SLC22A16: variants seen among roughly 807,000 people sequenced by gnomAD.
The protein encoded by SLC22A16 is solute carrier family 22 member 16.
Under a neutral mutation model 52.9 loss-of-function variants are expected in SLC22A16, and 53 were observed. The observed-to-expected ratio is 1.00, with a 90% CI of 0.80 to 1.26. SLC22A16 has a LOEUF of 1.26. SLC22A16 is among the 50% of genes most tolerant of loss of function. The probability of loss-of-function intolerance (pLI) is 0.00; values close to 1 mark genes in which losing one functional copy is unlikely to be tolerated. For missense variants in SLC22A16, 726 were observed against 704.0 expected (o/e 1.03, Z -0.35); for synonymous variants, 291 against 268.8 (o/e 1.08, Z -0.81).
chr6:110,437,553 A>G lies in SLC22A16; in HGVS notation c.1311+1167T>C, dbSNP rs561064883. 6.8e-4 allele frequency among the ~76,000 whole-genome samples: 103 copies of G among 152,240 alleles called. 1 individual carries two copies. The highest frequency in any genetic ancestry group is 6.3e-4 in the Non-Finnish European group (43 of 68,040). On this transcript the variant is annotated intron_variant, in intron 5 of 7. Transcript: ENST00000368919. Reference sequence around the variant, plus strand: ...GATCCTAAGCATTAAGTAAAGTGCTACTATAAAAGGAAGACACTTGTTAGC... The same window carrying G: ...GATCCTAAGCATTAAGTAAAGTGCTGCTATAAAAGGAAGACACTTGTTAGC...
rs747807441 is a variant in SLC22A16 at position 110,464,340 on chromosome 6, C to T, written c.54-7323G>A. On this transcript the variant is annotated intron_variant, in intron 1 of 7. Transcript: ENST00000368919. The stretch of plus-strand genomic sequence containing the variant: ...TTAAATTGAAACCAAAAAAATCATA[C>T]AAAGGATCAACAAAACACAAAGTTG... 2.5e-4 allele frequency among the ~76,000 whole-genome samples: 38 copies of T among 151,810 alleles called. 2 individuals carry two copies. Among genetic ancestry groups the T allele is most frequent in the Non-Finnish European group, 1.5e-5 (1 of 67,830 alleles).
chr6:110,442,839 C>T (rs1407671068), intron 3 of SLC22A16, 64 bp from the exon 4 acceptor site: 22 of 1,465,700 alleles, frequency 1.5e-5, no homozygotes, highest in Non-Finnish European at 1.9e-5. Context: ...GGAGTCTGAC[C>T]CCATTGCAAA....
chr6:110,445,015 A>G (rs896500121), intron 3 of SLC22A16, among the ~76,000 whole-genome samples: 1 of 152,020 alleles, frequency 6.6e-6, no homozygotes, highest in Non-Finnish European at 1.5e-5. Context: ...ACTCCAAAAC[A>G]CTCTGTGAAT....
chr6:110,453,529 T>C lies in SLC22A16; in HGVS notation c.533+3009A>G, dbSNP rs148813394. On this transcript the variant is annotated intron_variant, in intron 2 of 7. Coordinates refer to ENST00000368919, the MANE Select transcript of SLC22A16 (RefSeq NM_033125.4). ...GAGACAAAGAACTTCATTACTTACT[T>C]CGTTAGCAAGCAGTAGGGCAGCAGC... is the stretch of plus-strand genomic sequence containing the variant. 212 of 435,744 alleles carry C rather than the reference T, an allele frequency of 4.9e-4. 4 individuals carry two copies. In the East Asian group the frequency reaches 6.3e-3, roughly 13 times the overall value. The allele number at this position is 435,744 out of a possible 1,614,324, so 27.0% of individuals were successfully genotyped here. A position where few individuals can be genotyped will look rare whatever the true frequency, so the allele number is the denominator to read the frequency against.
Position 110,456,679 on chromosome 6 carries a change from T to C in SLC22A16, c.392A>G (p.Tyr131Cys). 5 of 1,614,192 alleles carry C rather than the reference T, an allele frequency of 3.1e-6. No homozygotes were observed. Among genetic ancestry groups the C allele is most frequent in the Non-Finnish European group, 4.2e-6 (5 of 1,180,034 alleles). Residue 131 changes from tyrosine to cysteine, a missense_variant, in exon 2 of 8, where the codon TAT becomes TGT. Tyr to Cys is a radical substitution (Grantham distance 194). Coordinates refer to ENST00000368919, the MANE Select transcript of SLC22A16 (RefSeq NM_033125.4). ...KEFPCVDGYI[Y>C]DQNTWKSTAV... is the part of the protein sequence containing the mutation. ...AGTGCTTTTCCATGTGTTCTGGTCA[T>C]ATATGTAGCCATCCACACAAGGAAA...
intron 7 of SLC22A16, among the ~76,000 whole-genome samples, chr6:110,427,740 T>C (rs1774325572): frequency 1.3e-5 from 2 of 152,206 alleles, no homozygotes. Flanking sequence ...CCCCCCAAAG[T>C]GTGGGATTAC....
chr6:110,425,730 T>C (rs561211748), intron 7 of SLC22A16, among the ~76,000 whole-genome samples: 84 of 152,386 alleles, frequency 5.5e-4, no homozygotes, highest in Middle Eastern at 3.4e-3. Context: ...GGCAGCCTTT[T>C]AGACTAGCGC....
intron 7 of SLC22A16, among the ~76,000 whole-genome samples, chr6:110,427,247 C>CAA (rs71018390): frequency 1.8e-4 from 11 of 60,552 alleles, no homozygotes; most frequent in East Asian, 7.1e-4. Context: ...GACCCAATCT[C>CAA]AAAAAAAAAA....
At chr6:110,431,388 G>A (rs778728621) in intron 6 of SLC22A16, 118 bp from the exon 7 acceptor site, 4 of 801,840 alleles carry the variant, frequency 5.0e-6, no homozygotes, top group Non-Finnish European at 8.1e-6. Flanking sequence ...TGGTCAGGCA[G>A]CGCATTACAA....
rs139534621 is a variant in SLC22A16, at chr6:110,438,163, C to T, written c.1311+557G>A. Among the ~76,000 whole-genome samples the T allele has an allele frequency of 5.3e-3, 811 of 152,110 alleles. 2 individuals carry two copies. The highest frequency in any genetic ancestry group is 0.02 in the Middle Eastern group (6 of 294). On this transcript the variant is annotated intron_variant, in intron 5 of 7. Transcript: ENST00000368919. ...TGCACTGTGTGTTCTCAGCACCTGGCACATAAAAGATGGTGGATAAATGTT... is the reference window on the plus strand; with the variant it reads ...TGCACTGTGTGTTCTCAGCACCTGGTACATAAAAGATGGTGGATAAATGTT...
intron 3 of SLC22A16, among the ~76,000 whole-genome samples, chr6:110,445,241 T>A (rs1246898991): frequency 6.6e-6 from 1 of 152,066 alleles, no homozygotes; most frequent in Admixed American, 6.6e-5. Flanking sequence ...CTCCAGACAT[T>A]CCGGCTTTTC....
intron 6 of SLC22A16, among the ~76,000 whole-genome samples, chr6:110,431,578 A>G (rs1774507311): frequency 6.6e-6 from 1 of 152,202 alleles, no homozygotes; most frequent in Non-Finnish European, 1.5e-5. Flanking sequence ...GCTGTGCCAC[A>G]TAGCCTGGGT....
rs780908832 is a variant in SLC22A16, at chr6:110,438,753, T to C, written c.1278A>G (p.Ala426=). The change falls in exon 5 of 8, where the codon GCA becomes GCG. Residue 426 remains alanine (A), a synonymous_variant. Transcript: ENST00000368919. ...TVLAYSLFCS[A]LACGVVMVIP... ...TCACCATAACGACACCACAGGCCAG[T>C]GCACTGCAGAAAAGAGAGTAGGCCA... 6.2e-7 allele frequency: 1 copy of C among 1,614,038 alleles called. No homozygotes were observed. Among genetic ancestry groups the C allele is most frequent in the Non-Finnish European group, 8.5e-7 (1 of 1,179,970 alleles).
At chr6:110,446,724 T>C in intron 3 of SLC22A16, 149 bp downstream of exon 3, 1 of 713,206 alleles carries the variant, frequency 1.4e-6, no homozygotes, top group South Asian at 1.9e-5. Context: ...CATAAGGCAT[T>C]GGTATTCTGT....
chr6:110,450,059 C>T (rs1373818132), intron 2 of SLC22A16, among the ~76,000 whole-genome samples: 1 of 152,118 alleles, frequency 6.6e-6, no homozygotes, highest in Non-Finnish European at 1.5e-5. Context: ...CTTGGGGTCT[C>T]ATAGCAAAAA....
intron 6 of SLC22A16, among the ~76,000 whole-genome samples, chr6:110,435,303 A>G (rs549097319): frequency 6.6e-6 from 1 of 152,292 alleles, no homozygotes; most frequent in South Asian, 2.1e-4. Context: ...CTGGTGTCTT[A>G]TATGAAGAGG....
Position 110,447,869 on chromosome 6 carries a change from A to G in SLC22A16, c.534-879T>C, listed in dbSNP as rs191824917. On this transcript the variant is annotated intron_variant, in intron 2 of 7. Transcript: ENST00000368919. ...TCCTTTTTTCTCTCTGAGTAGCACC[A>G]TTATACGGATAAACCACATTTTATC... Among the ~76,000 whole-genome samples the G allele has an allele frequency of 3.9e-4, 59 of 152,338 alleles. 1 individual carries two copies. The East Asian group carries it at 0.011, about 28-fold the overall frequency.
chr6:110,476,494 G>T (rs768591915), intron 1 of SLC22A16, 28 bp downstream of exon 1: 1 of 472,156 alleles, frequency 2.1e-6, no homozygotes. Context: ...CGCCTCCCGC[G>T]TGGCGCCGCG....
chr6:110,476,331 T>C (rs1776476250), intron 1 of SLC22A16, 191 bp downstream of exon 1: 1 of 1,380,210 alleles, frequency 7.2e-7, no homozygotes, highest in East Asian at 2.8e-5. Context: ...CAGGTCCCGC[T>C]GCCAGAGGCC....
Sources: gnomAD v4.1 joint callset for allele counts (sites outside exome capture counted in the v4.1 genomes callset) on GRCh38, gnomAD v4.1.1 for gene constraint, MANE v1.5 for transcripts, NCBI Gene and HGNC (gene_info 2026-07-23, HGNC 2026-07-21) for gene names.